Variants in TRIM36 observed in about 807,000 individuals in gnomAD.
TRIM36 encodes the protein E3 ubiquitin-protein ligase TRIM36.
Under a neutral mutation model 72.4 loss-of-function variants are expected in TRIM36, and 42 were observed. The observed-to-expected ratio is 0.58, with a 90% confidence interval of 0.45 to 0.75. The LOEUF (loss-of-function observed/expected upper bound fraction) is 0.75, where lower values mean the gene tolerates loss of function less well. Among genes scored for constraint, TRIM36 ranks in the 30% least tolerant of loss-of-function variants. The pLI is 0.00. For missense variants in TRIM36, 913 were observed against 857.1 expected, an observed-to-expected ratio of 1.07 and a Z score of -0.81; for synonymous variants, 315 against 282.8, an observed-to-expected ratio of 1.11 and a Z score of -1.14.
chr5:115,166,347 T>C (rs1383771209), intron 1 of TRIM36, among the ~76,000 whole-genome samples: 1 of 152,160 alleles, frequency 6.6e-6, no homozygotes, highest in South Asian at 2.1e-4. Flanking sequence ...ACGACCTGCC[T>C]GCAGGTAAGA....
At chr5:115,129,765 A>C (rs1752549990) in intron 9 of TRIM36, among the ~76,000 whole-genome samples, 1 of 152,186 alleles carries the variant, frequency 6.6e-6, no homozygotes, top group South Asian at 2.1e-4. Flanking sequence ...TTATCATAAA[A>C]CAATAAAAAA....
Position 115,177,399 on chromosome 5 carries a change from G to A in TRIM36, c.63+2576C>T, listed in dbSNP as rs920671389. On this transcript the variant is annotated intron_variant, in intron 1 of 9. Coordinates refer to the TRIM36 transcript ENST00000282369. ...CAACTTTGAGGGATGGTGGGGCGGAGGGCAGGCCAACTACAGGCCTCTACT... is the reference window on the plus strand; with the variant it reads ...CAACTTTGAGGGATGGTGGGGCGGAAGGCAGGCCAACTACAGGCCTCTACT... 24 of 438,840 alleles carry A rather than the reference G, an allele frequency of 5.5e-5. No individual in the cohort carries two copies. The Admixed American group carries it at 1.1e-3, about 20-fold the overall frequency. 27.2% of individuals were successfully genotyped at this position (438,840 alleles called of 1,614,324 possible).
intron 5 of TRIM36, among the ~76,000 whole-genome samples, chr5:115,140,064 G>C (rs1753194258): frequency 6.6e-6 from 1 of 152,094 alleles, no homozygotes; most frequent in Admixed American, 6.6e-5. Flanking sequence ...ATATGAAAAA[G>C]AAAACCCCAA....
chr5:115,125,823 C>T lies in TRIM36; in HGVS notation c.*680G>A, dbSNP rs1373682032. ...TTTCTGCAAGAAACCATGCTTACTACCCATGCTGTTAAATGAGTGTTATGG... is the reference window on the plus strand; with the variant it reads ...TTTCTGCAAGAAACCATGCTTACTATCCATGCTGTTAAATGAGTGTTATGG... On this transcript the variant is annotated 3_prime_UTR_variant, in exon 10 of 10. Transcript: ENST00000513154. The T allele has an allele frequency of 5.3e-5, 8 of 152,066 alleles. No homozygotes were observed. The allele number at this position is 152,066 out of a possible 1,614,324, so 9.4% of individuals were successfully genotyped here.
intron 2 of TRIM36, among the ~76,000 whole-genome samples, chr5:115,152,460 C>T (rs913553149): frequency 1.3e-5 from 2 of 152,074 alleles, no homozygotes; most frequent in African/African-American, 2.4e-5. Context: ...GGGGAATAAT[C>T]GAGGAAAACT....
At chr5:115,179,074 G>C (rs1280238492) in intron 1 of TRIM36, among the ~76,000 whole-genome samples, 1 of 152,208 alleles carries the variant, frequency 6.6e-6, no homozygotes, top group Non-Finnish European at 1.5e-5. Flanking sequence ...CGAAGCTCCA[G>C]GCGCAGAGGG....
chr5:115,173,522 ATGTGTG>A (rs57515389), upstream of TRIM36, among the ~76,000 whole-genome samples: 2 of 148,410 alleles, frequency 1.3e-5, no homozygotes, highest in Non-Finnish European at 3.0e-5. Flanking sequence ...GTGTATTTGA[ATGTGTG>A]TGTGTGTGTG....
chr5:115,162,828 C>T (rs1436304712), intron 2 of TRIM36, among the ~76,000 whole-genome samples: 3 of 152,086 alleles, frequency 2.0e-5, no homozygotes, highest in Non-Finnish European at 2.9e-5. Context: ...GGTAGTCCCA[C>T]TCCTTAACTC....
At chr5:115,152,461 G>A (rs945168533) in intron 2 of TRIM36, among the ~76,000 whole-genome samples, 3 of 152,126 alleles carry the variant, frequency 2.0e-5, no homozygotes, top group Non-Finnish European at 2.9e-5. Flanking sequence ...GGGAATAATC[G>A]AGGAAAACTA....
intron 2 of TRIM36, chr5:115,148,414 T>TA (rs1753707629): frequency 4.7e-4 from 383 of 823,194 alleles, no homozygotes; most frequent in Non-Finnish European, 5.0e-4. Flanking sequence ...GTAAATCTGT[T>TA]CTTTTTTTTT....
chr5:115,159,357 T>C (rs1247302410), intron 2 of TRIM36, among the ~76,000 whole-genome samples: 3 of 152,238 alleles, frequency 2.0e-5, no homozygotes, highest in Non-Finnish European at 2.9e-5. Context: ...TAAGATATCA[T>C]ATACAAAAAA....
At chr5:115,153,596 C>T (rs192357225) in intron 2 of TRIM36, 2 of 152,470 alleles carry the variant, frequency 1.3e-5, no homozygotes, top group East Asian at 3.9e-4. Flanking sequence ...ATCTCTACCT[C>T]GTGGGTTCAA....
chr5:115,136,637 T>C (rs759909232), intron 7 of TRIM36, among the ~76,000 whole-genome samples: 3 of 152,044 alleles, frequency 2.0e-5, no homozygotes, highest in Non-Finnish European at 4.4e-5. Context: ...AAAAAAAAAG[T>C]CTCTTAGTAG....
intron 9 of TRIM36, among the ~76,000 whole-genome samples, chr5:115,129,554 G>A (rs547046397): frequency 8.5e-5 from 13 of 152,180 alleles, no homozygotes; most frequent in Admixed American, 5.2e-4. Context: ...GCAAAACTCC[G>A]TCTCAAAAAA....
At chr5:115,128,880 T>C (rs887805479) in intron 9 of TRIM36, among the ~76,000 whole-genome samples, 3 of 151,944 alleles carry the variant, frequency 2.0e-5, no homozygotes, top group Non-Finnish European at 4.4e-5. Flanking sequence ...GTTTGTAAAG[T>C]TTACAGTAGT....
At chr5:115,172,565 C>A (rs189977899), upstream of TRIM36, among the ~76,000 whole-genome samples, 728 of 152,108 alleles carry the variant, frequency 4.8e-3, 8 homozygotes, top group African/African-American at 0.017. Flanking sequence ...GTGAAACCCC[C>A]CCTTTACTAA....
Position 115,169,656 on chromosome 5 carries a change from A to T in TRIM36, c.-22T>A. ...CCATGGCTGCCTTCTGCCAGGTGTC[A>T]TCAGCGGCACGTTCCACTCACACCG... On this transcript the variant is annotated 5_prime_UTR_variant, in exon 1 of 10. An upstream start codon of the reference 5' UTR is lost. Coordinates refer to ENST00000513154, the MANE Select transcript of TRIM36 (RefSeq NM_001300759.2). 1 of 1,520,452 alleles carries T rather than the reference A, an allele frequency of 6.6e-7. No individual in the cohort carries two copies. Among genetic ancestry groups the T allele is most frequent in the Non-Finnish European group, 8.8e-7 (1 of 1,139,478 alleles). 94.2% of individuals were successfully genotyped at this position (1,520,452 alleles called of 1,614,324 possible).
chr5:115,171,202 G>T (rs1238033049), upstream of TRIM36: 3 of 1,614,178 alleles, frequency 1.9e-6, no homozygotes, highest in East Asian at 2.2e-5. Flanking sequence ...TGCAGCGGTA[G>T]CCTCGTCTCC....
At chr5:115,167,988 A>G (rs115154513) in intron 1 of TRIM36, among the ~76,000 whole-genome samples, 1 of 152,346 alleles carries the variant, frequency 6.6e-6, no homozygotes, top group Non-Finnish European at 1.5e-5. Flanking sequence ...GCAGCAGGCG[A>G]GAGGGAGTAA....
Sources: gnomAD v4.1 joint callset for allele counts (sites outside exome capture counted in the v4.1 genomes callset) on GRCh38, gnomAD v4.1.1 for gene constraint, MANE v1.5 for transcripts, NCBI Gene and HGNC (gene_info 2026-07-23, HGNC 2026-07-21) for gene names.